Variants in EYS observed in about 807,000 individuals in gnomAD.
The protein encoded by EYS is protein eyes shut homolog.
A neutral mutation model predicts 282.1 loss-of-function variants in EYS; 250 were observed. That is an observed-to-expected ratio of 0.89 (90% CI 0.80 to 0.98). The LOEUF (loss-of-function observed/expected upper bound fraction) is 0.98, where lower values mean the gene tolerates loss of function less well. EYS is among the 50% of genes least tolerant of loss of function. EYS has a pLI of 0.00. For synonymous variants in EYS, 1,355 were observed against 1,282.9 expected (o/e 1.06, Z -1.20); for missense variants, 4,016 against 3,709.0 (o/e 1.08, Z -2.15).
At chr6:64,911,981 T>C (rs1768009124) in intron 16 of EYS, among the ~76,000 whole-genome samples, 1 of 152,154 alleles carries the variant, frequency 6.6e-6, no homozygotes, top group Non-Finnish European at 1.5e-5. Flanking sequence ...GAACTGCTCA[T>C]TCTTTCTTGC....
chr6:65,546,321 A>ATT (rs111400363), intron 2 of EYS, among the ~76,000 whole-genome samples: 1 of 148,096 alleles, frequency 6.8e-6, no homozygotes. Flanking sequence ...TCAGCCTATA[A>ATT]TTTTTTTTTT....
At chr6:64,204,562 CT>C (rs1765561669) in intron 31 of EYS, among the ~76,000 whole-genome samples, 1 of 152,000 alleles carries the variant, frequency 6.6e-6, no homozygotes, top group East Asian at 1.9e-4. Context: ...ATGGATGAAT[CT>C]CAAAAACACG....
chr6:65,331,761 C>A, intron 11 of EYS: 5 of 973,744 alleles, frequency 5.1e-6, no homozygotes, highest in Non-Finnish European at 4.9e-6. Flanking sequence ...TTCTATGTGT[C>A]TTTTGTGGCT....
intron 30 of EYS, among the ~76,000 whole-genome samples, chr6:64,270,857 C>A (rs1767919469): frequency 6.6e-6 from 1 of 152,070 alleles, no homozygotes; most frequent in South Asian, 2.1e-4. Flanking sequence ...TTTTGATCCC[C>A]AACTGAAACA....
At chr6:64,739,599 T>C (rs1319050072) in intron 22 of EYS, among the ~76,000 whole-genome samples, 1 of 152,204 alleles carries the variant, frequency 6.6e-6, no homozygotes, top group East Asian at 1.9e-4. Flanking sequence ...ATCCCAGTTG[T>C]ACCTATTGTT....
chr6:63,885,263 T>A lies in EYS; in HGVS notation c.7056-20905A>T, dbSNP rs185017303. ...GCCAAGTAGGCTACATCTTTTGTCA[T>A]CTGGGTTGAGATGCTGGATGTTCTC... On this transcript the variant is annotated intron_variant, in intron 35 of 42. Coordinates refer to ENST00000503581, the MANE Select transcript of EYS (RefSeq NM_001142800.2). Among the ~76,000 whole-genome samples, 191 of 152,320 alleles carry A rather than the reference T, an allele frequency of 1.3e-3. 1 individual carries two copies. The highest frequency in any genetic ancestry group is 2.4e-3 in the Non-Finnish European group (160 of 68,010).
In EYS at chr6:65,345,879, T is replaced by TA. The variant is rs575410124; in HGVS notation, c.1460-1703_1460-1702insT. ...AAACACAAATGAGGGGATATAATTATGAAAAAAAAATTGGACTAGCAGAAA... is the reference window on the plus strand; with the variant it reads ...AAACACAAATGAGGGGATATAATTATAGAAAAAAAAATTGGACTAGCAGAAA... On this transcript the variant is annotated intron_variant, in intron 9 of 42. Transcript: ENST00000503581. Among the ~76,000 whole-genome samples, 383 of 151,442 alleles carry TA rather than the reference T, an allele frequency of 2.5e-3. 3 individuals carry two copies. Among genetic ancestry groups the TA allele is most frequent in the South Asian group, 0.018 (87 of 4,808 alleles).
chr6:65,464,099 G>T (rs1764913290), intron 5 of EYS, among the ~76,000 whole-genome samples: 2 of 151,952 alleles, frequency 1.3e-5, no homozygotes, highest in Non-Finnish European at 2.9e-5. Context: ...TCCGATAAAT[G>T]GATGTAAATT....
chr6:64,934,165 A>G (rs1278157946), intron 15 of EYS, among the ~76,000 whole-genome samples: 5 of 151,980 alleles, frequency 3.3e-5, no homozygotes, highest in Non-Finnish European at 7.4e-5. Flanking sequence ...AAAAAATAAA[A>G]TAATTACTAA....
intron 5 of EYS, among the ~76,000 whole-genome samples, chr6:65,470,738 C>G (rs1765178775): frequency 6.6e-6 from 1 of 152,088 alleles, no homozygotes; most frequent in African/African-American, 2.4e-5. Context: ...CTGTAAATCT[C>G]TGGAATTTGA....
intron 35 of EYS, among the ~76,000 whole-genome samples, chr6:63,962,703 A>G (rs1454839736): frequency 6.6e-6 from 1 of 152,198 alleles, no homozygotes. Flanking sequence ...CAGTGTGGTG[A>G]TTCCTCAGGG....
Position 64,222,924 on chromosome 6 carries a change from C to T in EYS, c.6424+7668G>A, listed in dbSNP as rs116447214. 5.5e-3 allele frequency among the ~76,000 whole-genome samples: 832 copies of T among 151,784 alleles called. 11 individuals are homozygous for T. The highest frequency in any genetic ancestry group is 0.019 in the African/African-American group (797 of 41,312). On this transcript the variant is annotated intron_variant, in intron 31 of 42. Transcript: ENST00000503581. Reference sequence around the variant, plus strand: ...CTTATATTAAGTCCAAGAAAATTATCGGTACTTACAGTTTTCCTTTTAAAA... The same window carrying T: ...CTTATATTAAGTCCAAGAAAATTATTGGTACTTACAGTTTTCCTTTTAAAA...
rs1179228221 is a variant in EYS, at chr6:63,960,671, TGATCAATATCAAG to T, written c.7055+23699_7055+23711del. On this transcript the variant is annotated intron_variant, in intron 35 of 42. Transcript: ENST00000503581. The stretch of plus-strand genomic sequence containing the variant: ...GACCACTACTCTGGTTAGTCAGCAG[TGATCAATATCAAG>T]GACAGACTCTCTACCAGCAAAAGAT... 4.5e-4 allele frequency among the ~76,000 whole-genome samples: 69 copies of T among 152,340 alleles called. 1 individual carries two copies. Among genetic ancestry groups the T allele is most frequent in the African/African-American group, 1.6e-3 (68 of 41,580 alleles).
chr6:64,286,940 T>C (rs2224005), intron 30 of EYS, among the ~76,000 whole-genome samples: 104,238 of 151,866 alleles, frequency 0.69, 35,816 homozygotes, highest in Non-Finnish European at 0.71. Flanking sequence ...AATAGTAATA[T>C]ATCTGGTACA....
chr6:64,748,892 C>A (rs948285642), intron 22 of EYS, among the ~76,000 whole-genome samples: 1 of 152,222 alleles, frequency 6.6e-6, no homozygotes, highest in African/African-American at 2.4e-5. Context: ...CCTGCCCCAG[C>A]CTCCCGAGTA....
chr6:64,502,369 T>C (rs140998724), intron 26 of EYS, among the ~76,000 whole-genome samples: 185 of 152,098 alleles, frequency 1.2e-3, no homozygotes, highest in African/African-American at 4.3e-3. Context: ...GCCTCCCGAG[T>C]AGCTAGGACT....
chr6:64,381,018 G>GAA (rs113430990), intron 29 of EYS, among the ~76,000 whole-genome samples: 4 of 73,086 alleles, frequency 5.5e-5, no homozygotes, highest in Non-Finnish European at 3.1e-5. Context: ...CTCCATCTCA[G>GAA]AAAAAAAAAA....
chr6:64,950,087 G>GA (rs748816632), intron 14 of EYS, among the ~76,000 whole-genome samples: 4 of 151,808 alleles, frequency 2.6e-5, no homozygotes, highest in Non-Finnish European at 4.4e-5. Context: ...ACCAGACTAG[G>GA]AAAAACAAAG....
chr6:64,814,717 A>C (rs570772697), intron 21 of EYS, among the ~76,000 whole-genome samples: 1 of 152,142 alleles, frequency 6.6e-6, no homozygotes, highest in Non-Finnish European at 1.5e-5. Flanking sequence ...TTATGACATC[A>C]TTAGTAAAAC....
Sources: gnomAD v4.1 joint callset for allele counts (sites outside exome capture counted in the v4.1 genomes callset) on GRCh38, gnomAD v4.1.1 for gene constraint, MANE v1.5 for transcripts, NCBI Gene and HGNC (gene_info 2026-07-23, HGNC 2026-07-21) for gene names.